NPTN: variants seen among roughly 807,000 people sequenced by gnomAD.
NPTN encodes the protein neuroplastin.
A neutral mutation model predicts 42.7 loss-of-function variants in NPTN; 5 were observed. The ratio of observed to expected loss-of-function variants is 0.12; its 90% CI spans 0.06 to 0.25. NPTN has a LOEUF of 0.25. NPTN is among the 10% of genes least tolerant of loss of function. The pLI, the probability that NPTN is intolerant of heterozygous loss-of-function variation, is 1.00. For synonymous variants in NPTN, 180 were observed against 201.9 expected (o/e 0.89, Z 0.92); for missense variants, 307 against 525.4 (o/e 0.58, Z 4.06).
At chr15:73,609,374 T>A (rs2079380071) in intron 1 of NPTN, among the ~76,000 whole-genome samples, 1 of 152,214 alleles carries the variant, frequency 6.6e-6, no homozygotes, top group Admixed American at 6.5e-5. Flanking sequence ...CTCACGCCTG[T>A]AATCCCAGCG....
In NPTN at chr15:73,571,469, C is replaced by T. The variant is rs187029881; in HGVS notation, c.841-1046G>A. On this transcript the variant is annotated intron_variant, in intron 5 of 8. Transcript: ENST00000345330. ...AATGTGTTAAGAAGCCCCAACAGAG[C>T]GTGTGTATAGAGTGCTGTAGGGCAC... 4.6e-5 allele frequency among the ~76,000 whole-genome samples: 7 copies of T among 152,202 alleles called. No individual in the cohort carries two copies. The East Asian group carries it at 7.7e-4, about 17-fold the overall frequency.
intron 1 of NPTN, among the ~76,000 whole-genome samples, chr15:73,605,748 G>GA (rs1897276130): frequency 6.7e-6 from 1 of 150,176 alleles, no homozygotes; most frequent in African/African-American, 2.4e-5. Context: ...AAAAGAATTG[G>GA]AAAATGTTAA....
rs1242309610 is a variant in NPTN, at chr15:73,597,943, T to C, written c.92-574A>G. ...AATTTCAACTGAAAGAGTAGCAAAT[T>C]TCTCTCTCACACAGGATTCTATCCT... On this transcript the variant is annotated intron_variant, in intron 1 of 8. Transcript: ENST00000345330. The surrounding 1 kb of genome is among the most constrained non-coding windows in gnomAD (Gnocchi z 6.3). Among the ~76,000 whole-genome samples the C allele has an allele frequency of 6.6e-6, 1 of 152,194 alleles. No homozygotes were observed. The highest frequency in any genetic ancestry group is 1.5e-5 in the Non-Finnish European group (1 of 68,028).
chr15:73,566,273 A>G (rs970990446), intron 6 of NPTN, among the ~76,000 whole-genome samples: 3 of 152,198 alleles, frequency 2.0e-5, no homozygotes, highest in Non-Finnish European at 4.4e-5. Context: ...AAATGTTTTG[A>G]CCAACGAATA....
chr15:73,581,866 G>A (rs919162235), intron 4 of NPTN, among the ~76,000 whole-genome samples: 1 of 150,538 alleles, frequency 6.6e-6, no homozygotes, highest in Admixed American at 6.6e-5. Context: ...ACAGAGTTTC[G>A]CTCTGTCGCC....
chr15:73,604,011 G>C lies in NPTN; in HGVS notation c.92-6642C>G, dbSNP rs77678697. Among the ~76,000 whole-genome samples the C allele has an allele frequency of 2.0e-5, 3 of 152,154 alleles. No homozygotes were observed. The East Asian group carries it at 5.8e-4, about 29-fold the overall frequency. On this transcript the variant is annotated intron_variant, in intron 1 of 8. Transcript: ENST00000345330. ...CTATGCAAATGTTAAGTTACTTTAG[G>C]ACAGACAAGAAATAAGCATTTGGTA...
Position 73,592,014 on chromosome 15 carries a change from C to G in NPTN, c.563G>C (p.Gly188Ala). 1 of 1,614,008 alleles carries G rather than the reference C, an allele frequency of 6.2e-7. No homozygotes were observed. Among genetic ancestry groups the G allele is most frequent in the Non-Finnish European group, 8.5e-7 (1 of 1,179,932 alleles). Residue 188 changes from glycine (G) to alanine (A), a missense_variant, in exon 3 of 9, where the codon GGG becomes GCG. Physicochemically the swap from Gly to Ala is moderately conservative, Grantham distance 60 (BLOSUM62 0). Coordinates refer to ENST00000345330, the MANE Select transcript of NPTN (RefSeq NM_012428.4). ...TLTYSYWTKN[G>A]VELSATRKNA... ...CTTACGAGTGGCACTCAGTTCCACC[C>G]CATTCTTTGTCCAGTAGCTGTATGT...
At chr15:73,590,278 C>G (rs117627968) in intron 3 of NPTN, among the ~76,000 whole-genome samples, 1 of 152,016 alleles carries the variant, frequency 6.6e-6, no homozygotes, top group Non-Finnish European at 1.5e-5. Context: ...AATGTAGAAT[C>G]CCTGAAAAAC....
At chr15:73,581,927 C>T (rs571654389) in intron 4 of NPTN, among the ~76,000 whole-genome samples, 181 of 152,184 alleles carry the variant, frequency 1.2e-3, no homozygotes, top group Non-Finnish European at 1.9e-3. Context: ...CTCCGCCTCC[C>T]GGGTTCAAGC....
chr15:73,602,481 C>T (rs910051094), intron 1 of NPTN, among the ~76,000 whole-genome samples: 1 of 152,190 alleles, frequency 6.6e-6, no homozygotes, highest in African/African-American at 2.4e-5. Flanking sequence ...GACATCTAAA[C>T]GTGAATACAG....
chr15:73,566,093 A>G (rs970854263), intron 6 of NPTN, among the ~76,000 whole-genome samples: 3 of 152,102 alleles, frequency 2.0e-5, no homozygotes, highest in Admixed American at 6.5e-5. Flanking sequence ...GTTACTTCCT[A>G]TTTCCTTCCT....
At position 73,569,024 on chromosome 15, in the gene NPTN, G is replaced by A. The variant is rs1324963508; in HGVS notation, c.1114+1126C>T. 3.0e-5 allele frequency: 30 copies of A among 985,382 alleles called. No individual in the cohort carries two copies. Among genetic ancestry groups the A allele is most frequent in the Non-Finnish European group, 3.4e-5 (28 of 830,008 alleles). 61.0% of individuals were successfully genotyped at this position (985,382 alleles called of 1,614,324 possible). A position where few individuals can be genotyped will look rare whatever the true frequency, so the allele number is the denominator to read the frequency against. On this transcript the variant is annotated intron_variant, in intron 6 of 8. Coordinates refer to ENST00000345330, the MANE Select transcript of NPTN (RefSeq NM_012428.4). The surrounding 1 kb of genome is among the most constrained non-coding windows in gnomAD (Gnocchi z 4.1). ...TCTCCACTGGACAGCCAGCTCTGTG[G>A]GGCAGGATACAGCACCACAGGTGCA...
intron 6 of NPTN, chr15:73,567,395 ACAC>A (rs1895091397): frequency 1.0e-6 from 1 of 985,334 alleles, no homozygotes; most frequent in Admixed American, 6.1e-5. Context: ...TGATAGGTAA[ACAC>A]TTATGACCTC....
At chr15:73,595,043 G>A (rs746808890) in intron 2 of NPTN, among the ~76,000 whole-genome samples, 1 of 152,022 alleles carries the variant, frequency 6.6e-6, no homozygotes, top group Non-Finnish European at 1.5e-5. Context: ...GGGGAAGTCT[G>A]AAGAGAGTCT....
At chr15:73,576,422 G>A (rs1047431272) in intron 4 of NPTN, among the ~76,000 whole-genome samples, 4 of 152,054 alleles carry the variant, frequency 2.6e-5, no homozygotes, top group Admixed American at 6.6e-5. Flanking sequence ...TCCACCTTCC[G>A]GGTTCAAGTG....
At chr15:73,595,172 T>C (rs1003362641) in intron 2 of NPTN, among the ~76,000 whole-genome samples, 3 of 152,150 alleles carry the variant, frequency 2.0e-5, no homozygotes, top group African/African-American at 7.2e-5. Flanking sequence ...TCTAGCCCCT[T>C]GGCATGGCCA....
chr15:73,565,237 G>C (rs1894916980), intron 6 of NPTN, among the ~76,000 whole-genome samples: 1 of 151,966 alleles, frequency 6.6e-6, no homozygotes, highest in Non-Finnish European at 1.5e-5. Flanking sequence ...ACAAACAAAA[G>C]AGCCTCATGT....
chr15:73,573,160 T>C (rs1436379141), intron 5 of NPTN, among the ~76,000 whole-genome samples: 2 of 152,196 alleles, frequency 1.3e-5, no homozygotes, highest in African/African-American at 4.8e-5. Flanking sequence ...GGCTAATTCT[T>C]TGGATTTAGC....
chr15:73,567,955 A>G, intron 6 of NPTN: 3 of 985,462 alleles, frequency 3.0e-6, no homozygotes, highest in Non-Finnish European at 3.6e-6. Flanking sequence ...CCCTGCCGTC[A>G]TCTCTTTTAA....
Sources: gnomAD v4.1 joint callset for allele counts (sites outside exome capture counted in the v4.1 genomes callset) on GRCh38, gnomAD v4.1.1 for gene constraint, Gnocchi (gnomAD v3.1) non-coding constraint, MANE v1.5 for transcripts, NCBI Gene and HGNC (gene_info 2026-07-23, HGNC 2026-07-21) for gene names.